Variants in FAM114A1 observed in about 807,000 individuals in gnomAD.
FAM114A1 encodes protein NOXP20.
Under a neutral mutation model 64.3 loss-of-function variants are expected in FAM114A1, and 62 were observed. That is an observed-to-expected ratio of 0.96 (90% CI 0.79 to 1.19). The LOEUF (loss-of-function observed/expected upper bound fraction) is 1.19. FAM114A1 is among the 50% of genes most tolerant of loss of function. FAM114A1 has a pLI of 0.00. For synonymous variants in FAM114A1, 254 were observed against 251.1 expected, an observed-to-expected ratio of 1.01 and a Z score of -0.11; for missense variants, 645 against 676.3, an observed-to-expected ratio of 0.95 and a Z score of 0.51.
intron 2 of FAM114A1, among the ~76,000 whole-genome samples, chr4:38,868,908 T>C (rs992105919): frequency 1.3e-5 from 2 of 152,188 alleles, no homozygotes; most frequent in African/African-American, 4.8e-5. Flanking sequence ...ACTTCTTACA[T>C]TGTAACCTTT....
At chr4:38,919,210 G>A (rs1719353421) in intron 8 of FAM114A1, among the ~76,000 whole-genome samples, 1 of 152,086 alleles carries the variant, frequency 6.6e-6, no homozygotes, top group Admixed American at 6.6e-5. Context: ...TAAAGAAAAT[G>A]TATTCCATCC....
In FAM114A1 at chr4:38,903,017, T is replaced by G. The variant is rs1324628202; in HGVS notation, c.437-2505T>G. 1.3e-5 allele frequency among the ~76,000 whole-genome samples: 2 copies of G among 152,194 alleles called. 1 individual carries two copies. On this transcript the variant is annotated intron_variant, in intron 4 of 14. Coordinates refer to ENST00000358869, the MANE Select transcript of FAM114A1 (RefSeq NM_138389.4). ...AATATAAAGCTGAACTTTATATTTATTTTTTGTTTCTTTTTTTTTGTAAAG... is the reference window on the plus strand; with the variant it reads ...AATATAAAGCTGAACTTTATATTTAGTTTTTGTTTCTTTTTTTTTGTAAAG...
intron 9 of FAM114A1, among the ~76,000 whole-genome samples, chr4:38,924,257 G>A (rs1208892221): frequency 2.0e-5 from 3 of 152,180 alleles, no homozygotes; most frequent in Non-Finnish European, 2.9e-5. Flanking sequence ...AGAACTGCTC[G>A]AAAATGTTAG....
chr4:38,940,916 G>A (rs1721534589), intron 13 of FAM114A1, 52 bp from the exon 14 acceptor site: 2 of 1,582,336 alleles, frequency 1.3e-6, no homozygotes, highest in African/African-American at 1.3e-5. Context: ...TACGTGGCAA[G>A]CCTTGTAGTA....
In FAM114A1 at chr4:38,914,990, CACT is replaced by C. The variant is rs868480455; in HGVS notation, c.865_867del (p.Tyr289del). The C allele has an allele frequency of 6.2e-7, 1 of 1,614,122 alleles. No homozygotes were observed. The highest frequency in any genetic ancestry group is 1.7e-5 in the Admixed American group (1 of 60,002). On this transcript the variant is annotated inframe_deletion, in exon 8 of 15. Coordinates refer to ENST00000358869, the MANE Select transcript of FAM114A1 (RefSeq NM_138389.4). ...GCAGCTCACGATGGAGAGAACCGCGCACTACGGGATGCTGTTTGATGAATATCA... is the reference window on the plus strand; with the variant it reads ...GCAGCTCACGATGGAGAGAACCGCGCACGGGATGCTGTTTGATGAATATCA...
chr4:38,940,249 A>G (rs531587024), intron 13 of FAM114A1, among the ~76,000 whole-genome samples: 5 of 152,156 alleles, frequency 3.3e-5, no homozygotes, highest in Non-Finnish European at 7.4e-5. Flanking sequence ...TGCTTTATGT[A>G]TATTTGCATT....
chr4:38,938,867 CTG>C (rs1721327397), intron 13 of FAM114A1, among the ~76,000 whole-genome samples: 1 of 152,148 alleles, frequency 6.6e-6, no homozygotes, highest in African/African-American at 2.4e-5. Flanking sequence ...GTGTGAATGT[CTG>C]TGTGCATGTT....
At position 38,929,150 on chromosome 4, in the gene FAM114A1, T is replaced by C. The variant is rs1196951082; in HGVS notation, c.1070-92T>C. On this transcript the variant is annotated intron_variant, in intron 9 of 14. Coordinates refer to ENST00000358869, the MANE Select transcript of FAM114A1 (RefSeq NM_138389.4). ...AGGCTGCTACAACCTCCACTTAGTC[T>C]ACCCCAGCTGCAGGCTGTAATGTTG... 4.1e-6 allele frequency: 4 copies of C among 983,234 alleles called. No homozygotes were observed. The South Asian group carries it at 5.2e-5, about 13-fold the overall frequency. The allele number at this position is 983,234 out of a possible 1,614,324, so 60.9% of individuals were successfully genotyped here. A position where few individuals can be genotyped will look rare whatever the true frequency, so the allele number is the denominator to read the frequency against.
intron 4 of FAM114A1, among the ~76,000 whole-genome samples, chr4:38,897,314 G>T (rs759288645): frequency 1.3e-5 from 2 of 152,182 alleles, no homozygotes; most frequent in Non-Finnish European, 2.9e-5. Context: ...ACCATATCCT[G>T]TGTCTATGCA....
chr4:38,875,395 T>C (rs1714512659), intron 2 of FAM114A1, among the ~76,000 whole-genome samples: 2 of 152,224 alleles, frequency 1.3e-5, no homozygotes, highest in Admixed American at 1.3e-4. Context: ...TCTCCCTGAT[T>C]AGCTGTATTC....
intron 3 of FAM114A1, among the ~76,000 whole-genome samples, chr4:38,887,650 G>A (rs1715951205): frequency 1.3e-5 from 2 of 152,160 alleles, no homozygotes; most frequent in South Asian, 4.1e-4. Flanking sequence ...AACATTAGTA[G>A]TACAGAAAAG....
intron 6 of FAM114A1, among the ~76,000 whole-genome samples, chr4:38,906,771 G>A (rs1718049475): frequency 6.6e-6 from 1 of 152,174 alleles, no homozygotes. Flanking sequence ...TTGACCTCAG[G>A]TGATCCTCCT....
At chr4:38,937,921 C>T (rs1721248291) in intron 13 of FAM114A1, among the ~76,000 whole-genome samples, 1 of 151,796 alleles carries the variant, frequency 6.6e-6, no homozygotes. Flanking sequence ...ATTTTTAGTA[C>T]AGACAGGGTT....
chr4:38,890,497 G>A (rs1716247680), intron 3 of FAM114A1, among the ~76,000 whole-genome samples: 1 of 151,728 alleles, frequency 6.6e-6, no homozygotes, highest in Non-Finnish European at 1.5e-5. Context: ...TACAAACTCT[G>A]TAGGAATTTT....
intron 4 of FAM114A1, among the ~76,000 whole-genome samples, chr4:38,894,609 G>A (rs552409561): frequency 2.6e-5 from 4 of 152,294 alleles, no homozygotes; most frequent in South Asian, 4.1e-4. Context: ...GATTACAAAA[G>A]GACACCTAAG....
intron 2 of FAM114A1, among the ~76,000 whole-genome samples, chr4:38,872,817 G>A (rs1211172909): frequency 6.6e-6 from 1 of 152,212 alleles, no homozygotes; most frequent in Non-Finnish European, 1.5e-5. Context: ...CGCTATTGTA[G>A]TGCCAGAGAA....
intron 7 of FAM114A1, among the ~76,000 whole-genome samples, chr4:38,912,792 C>T (rs999512220): frequency 6.6e-6 from 1 of 152,168 alleles, no homozygotes; most frequent in African/African-American, 2.4e-5. Context: ...GAGGTGGAAG[C>T]TGGTGTAGAG....
intron 13 of FAM114A1, among the ~76,000 whole-genome samples, chr4:38,939,684 T>A (rs1721432000): frequency 6.6e-6 from 1 of 152,040 alleles, no homozygotes; most frequent in Admixed American, 6.6e-5. Flanking sequence ...TATATTTAAT[T>A]TATGTATTTT....
chr4:38,911,608 C>A (rs1718535704), intron 7 of FAM114A1, among the ~76,000 whole-genome samples: 1 of 152,076 alleles, frequency 6.6e-6, no homozygotes. Flanking sequence ...AGATCCAGAT[C>A]GCTTGTTGGA....
Sources: allele counts gnomAD v4.1 joint callset (sites outside exome capture counted in the v4.1 genomes callset), GRCh38; gene constraint gnomAD v4.1.1; transcripts MANE v1.5; gene names NCBI Gene and HGNC (gene_info 2026-07-23, HGNC 2026-07-21).